Variants in PLD5 observed in about 807,000 individuals in gnomAD.
PLD5 encodes inactive phospholipase D5.
In PLD5, 36 loss-of-function variants were observed where a neutral mutation model predicts 61.1. That is an observed-to-expected ratio of 0.59 (90% CI 0.45 to 0.78). The LOEUF (loss-of-function observed/expected upper bound fraction) is 0.78. Ranked by LOEUF, PLD5 falls within the 30% of genes least tolerant of loss-of-function variation. The pLI is 0.00. For synonymous variants in PLD5, 243 were observed against 242.8 expected (o/e 1.00, Z -0.01); for missense variants, 515 against 644.4 (o/e 0.80, Z 2.17).
chr1:242,451,690 G>C (rs534309924), intron 1 of PLD5, among the ~76,000 whole-genome samples: 2 of 151,994 alleles, frequency 1.3e-5, no homozygotes, highest in African/African-American at 4.8e-5. Flanking sequence ...GAACTCCTGA[G>C]CTCAGGTGAT....
At chr1:242,467,326 G>A (rs942805731) in intron 1 of PLD5, among the ~76,000 whole-genome samples, 1 of 151,844 alleles carries the variant, frequency 6.6e-6, no homozygotes, top group African/African-American at 2.4e-5. Flanking sequence ...TATATTCAGT[G>A]TTACCAAATG....
chr1:242,121,305 G>T (rs1662342833), intron 6 of PLD5, among the ~76,000 whole-genome samples: 1 of 152,088 alleles, frequency 6.6e-6, no homozygotes, highest in Non-Finnish European at 1.5e-5. Flanking sequence ...AAAATGGTGG[G>T]AAAGATGATT....
intron 2 of PLD5, among the ~76,000 whole-genome samples, chr1:242,321,803 G>GC (rs1332974089): frequency 6.6e-6 from 1 of 152,130 alleles, no homozygotes; most frequent in African/African-American, 2.4e-5. Context: ...GTTTATAAAT[G>GC]TTTACTCCTT....
chr1:242,285,008 G>C (rs1243032372), intron 3 of PLD5, among the ~76,000 whole-genome samples: 1 of 152,214 alleles, frequency 6.6e-6, no homozygotes, highest in Non-Finnish European at 1.5e-5. Flanking sequence ...CAGCTAAGAG[G>C]TGTCTCTTCG....
At chr1:242,527,425 C>T (rs751132575), upstream of PLD5, among the ~76,000 whole-genome samples, 22 of 152,096 alleles carry the variant, frequency 1.4e-4, no homozygotes, top group Non-Finnish European at 2.9e-4. Flanking sequence ...CGTGAGCCAC[C>T]GCGCCCGGCC....
chr1:242,469,510 A>G (rs992861508), intron 1 of PLD5, among the ~76,000 whole-genome samples: 19 of 152,034 alleles, frequency 1.2e-4, no homozygotes, highest in African/African-American at 4.3e-4. Context: ...TTTCTCATGT[A>G]TTTGTAAAAG....
rs1285217527 is a variant in PLD5 at position 242,524,247 on chromosome 1, C to T, written c.30G>A (p.Ser10=). 23 of 1,497,324 alleles carry T rather than the reference C, an allele frequency of 1.5e-5. No homozygotes were observed. Among genetic ancestry groups the T allele is most frequent in the Admixed American group, 2.1e-5 (1 of 46,522 alleles). The allele number at this position is 1,497,324 out of a possible 1,614,324, so 92.8% of individuals were successfully genotyped here. MEIRQHEWL[S]ASPHEGFEQM... ...GCTCGAAGCCCTCATGGGGGGAGGC[C>T]GAGAGCCACTCGTGCTGCCGGATCT... Residue 10 remains serine, a synonymous_variant, in exon 1 of 10, where the codon TCG becomes TCA. Transcript: ENST00000536534.
chr1:242,286,525 T>C (rs551595900), intron 3 of PLD5, among the ~76,000 whole-genome samples: 23 of 152,206 alleles, frequency 1.5e-4, no homozygotes, highest in African/African-American at 4.6e-4. Flanking sequence ...ATAAACACAC[T>C]TAATGAAGTG....
intron 5 of PLD5, among the ~76,000 whole-genome samples, chr1:242,209,667 G>C (rs75163257): frequency 6.6e-6 from 1 of 151,378 alleles, no homozygotes; most frequent in African/African-American, 2.4e-5. Context: ...CTGTTCCCCT[G>C]TCTCTCTCTC....
intron 2 of PLD5, among the ~76,000 whole-genome samples, chr1:242,346,022 C>T (rs952066150): frequency 4.9e-5 from 4 of 81,992 alleles, no homozygotes; most frequent in Admixed American, 4.2e-4. Context: ...CTCCCCCCCC[C>T]CCATATATAC....
chr1:242,410,957 G>GAAAAAA (rs11389251), intron 1 of PLD5, among the ~76,000 whole-genome samples: 1 of 146,578 alleles, frequency 6.8e-6, no homozygotes. Flanking sequence ...ACCAATAATC[G>GAAAAAA]AAAAAAAAAA....
chr1:242,377,648 GTAAA>G (rs376291167), intron 1 of PLD5, among the ~76,000 whole-genome samples: 3 of 151,750 alleles, frequency 2.0e-5, no homozygotes, highest in South Asian at 2.1e-4. Context: ...AAAAAAGCAG[GTAAA>G]TAAATAAATA....
intron 2 of PLD5, among the ~76,000 whole-genome samples, chr1:242,325,475 G>T (rs369731911): frequency 6.8e-6 from 1 of 146,724 alleles, no homozygotes; most frequent in Non-Finnish European, 1.5e-5. Context: ...GAGAGAGTAG[G>T]GGGGAGAGAA....
chr1:242,311,035 T>G (rs1676666948), intron 2 of PLD5, among the ~76,000 whole-genome samples: 1 of 152,120 alleles, frequency 6.6e-6, no homozygotes, highest in Non-Finnish European at 1.5e-5. Flanking sequence ...ATAACATATA[T>G]ACTATAAACA....
chr1:242,163,947 G>A (rs984667876), intron 5 of PLD5, among the ~76,000 whole-genome samples: 1 of 152,026 alleles, frequency 6.6e-6, no homozygotes, highest in Non-Finnish European at 1.5e-5. Context: ...TCCAGCAGAT[G>A]TGAATAAGCC....
chr1:242,157,068 C>T (rs1665431641), intron 5 of PLD5, among the ~76,000 whole-genome samples: 2 of 152,154 alleles, frequency 1.3e-5, no homozygotes, highest in Non-Finnish European at 2.9e-5. Context: ...ATTCTTTTTT[C>T]TGTAATATTG....
intron 2 of PLD5, among the ~76,000 whole-genome samples, chr1:242,317,378 G>A (rs368041348): frequency 2.2e-4 from 34 of 152,152 alleles, no homozygotes; most frequent in Non-Finnish European, 4.4e-4. Context: ...ACACACATAT[G>A]CATAACATTT....
chr1:242,244,540 C>T (rs1003601093), intron 4 of PLD5, among the ~76,000 whole-genome samples: 1 of 152,198 alleles, frequency 6.6e-6, no homozygotes, highest in African/African-American at 2.4e-5. Flanking sequence ...TGAGTGGATA[C>T]AAATACGTCT....
Position 242,394,316 on chromosome 1 carries a change from GTA to G in PLD5, c.190-46076_190-46075del, listed in dbSNP as rs1287746326. On this transcript the variant is annotated intron_variant, in intron 1 of 9. Transcript: ENST00000536534. ...AGTATATATATGAGTATATATGTGT[GTA>G]TATATGAGTATATATGTGTGTATAT... is the stretch of plus-strand genomic sequence containing the variant. 1.1e-3 allele frequency among the ~76,000 whole-genome samples: 61 copies of G among 54,854 alleles called. 10 individuals carry two copies. Among genetic ancestry groups the G allele is most frequent in the African/African-American group, 7.4e-4 (11 of 14,852 alleles). The allele number at this position is 54,854 out of a possible 152,430, so 36.0% of individuals were successfully genotyped here.
Sources: gnomAD v4.1 joint callset for allele counts (sites outside exome capture counted in the v4.1 genomes callset) on GRCh38, gnomAD v4.1.1 for gene constraint, MANE v1.5 for transcripts, NCBI Gene and HGNC (gene_info 2026-07-23, HGNC 2026-07-21) for gene names.